Variants in DZANK1 observed in about 807,000 individuals in gnomAD.
The protein encoded by DZANK1 is double zinc ribbon and ankyrin repeat-containing protein 1.
Under a neutral mutation model 94.5 loss-of-function variants are expected in DZANK1, and 91 were observed. The observed-to-expected ratio is 0.96, with a 90% confidence interval of 0.81 to 1.15. The LOEUF (loss-of-function observed/expected upper bound fraction) is 1.15, where lower values mean the gene tolerates loss of function less well. DZANK1 is among the 50% of genes most tolerant of loss of function. The pLI is 0.00. For missense variants in DZANK1, 903 were observed against 916.4 expected, an observed-to-expected ratio of 0.99 and a Z score of 0.19; for synonymous variants, 312 against 325.3, an observed-to-expected ratio of 0.96 and a Z score of 0.44.
chr20:18,437,042 CAG>C (rs1409073049), intron 8 of DZANK1, among the ~76,000 whole-genome samples: 2 of 152,230 alleles, frequency 1.3e-5, no homozygotes, highest in East Asian at 3.9e-4. Context: ...GGAAGTTCTT[CAG>C]GCTGAAAGGA....
At chr20:18,393,063 C>A (rs1407695255) in intron 17 of DZANK1, among the ~76,000 whole-genome samples, 1 of 152,138 alleles carries the variant, frequency 6.6e-6, no homozygotes, top group Non-Finnish European at 1.5e-5. Context: ...ATAAGATTTG[C>A]CCAACAAAGG....
intron 13 of DZANK1, among the ~76,000 whole-genome samples, chr20:18,409,925 T>C (rs4813318): frequency 0.82 from 124,191 of 151,384 alleles, 51,528 homozygotes; most frequent in South Asian, 0.96. Flanking sequence ...AAAAATTATC[T>C]GGGAGGCTGA....
intron 20 of DZANK1, 23 bp downstream of exon 20, chr20:18,384,993 C>A: frequency 6.5e-7 from 1 of 1,548,188 alleles, no homozygotes; most frequent in South Asian, 1.2e-5. Flanking sequence ...TCAAAAGTAT[C>A]CATCAGAGGC....
intron 5 of DZANK1, among the ~76,000 whole-genome samples, chr20:18,453,107 A>G (rs572711178): frequency 6.6e-6 from 1 of 152,314 alleles, no homozygotes; most frequent in South Asian, 2.1e-4. Context: ...TTTCTTACTC[A>G]CTGAGAAACC....
At chr20:18,449,614 T>C (rs1280544711) in intron 6 of DZANK1, among the ~76,000 whole-genome samples, 2 of 151,132 alleles carry the variant, frequency 1.3e-5, no homozygotes, top group South Asian at 4.2e-4. Context: ...AAAAATTAGC[T>C]GGGTGTGGTG....
Position 18,394,760 on chromosome 20 carries a change from C to G in DZANK1, c.1612-410G>C, listed in dbSNP as rs753030370. ...AATTAGGGTGTCATGATGGGAAGGT[C>G]TCAGGCTGCCAAGTGTGAATCCTGG... On this transcript the variant is annotated intron_variant, in intron 15 of 20. Transcript: ENST00000262547. 6.5e-5 allele frequency: 30 copies of G among 459,246 alleles called. No homozygotes were observed. The Admixed American group carries it at 7.0e-4, about 11-fold the overall frequency. The allele number at this position is 459,246 out of a possible 1,614,324, so 28.4% of individuals were successfully genotyped here. A position where few individuals can be genotyped will look rare whatever the true frequency, so the allele number is the denominator to read the frequency against.
At chr20:18,396,647 C>A in intron 14 of DZANK1, 101 bp from the exon 15 acceptor site, 21 of 754,774 alleles carry the variant, frequency 2.8e-5, no homozygotes, top group South Asian at 8.6e-5. Flanking sequence ...CTAAATTTAA[C>A]CAAATATTTA....
At chr20:18,394,488 T>C in intron 15 of DZANK1, 138 bp from the exon 16 acceptor site, 1 of 856,662 alleles carries the variant, frequency 1.2e-6, no homozygotes, top group African/African-American at 1.7e-5. Context: ...GAGACCTGGA[T>C]GTCCTTCCTG....
At chr20:18,433,490 TG>T in intron 9 of DZANK1, 161 bp downstream of exon 9, 1 of 603,594 alleles carries the variant, frequency 1.7e-6, no homozygotes. Flanking sequence ...TGCAGTGAGC[TG>T]AGATTGCGCT....
At chr20:18,444,413 G>A (rs532050275) in intron 7 of DZANK1, among the ~76,000 whole-genome samples, 1 of 152,332 alleles carries the variant, frequency 6.6e-6, no homozygotes, top group East Asian at 1.9e-4. Flanking sequence ...GGGAGTCTCA[G>A]AAGGTCAAGG....
intron 15 of DZANK1, among the ~76,000 whole-genome samples, chr20:18,395,985 T>C (rs55671729): frequency 0.36 from 54,065 of 152,018 alleles, 10,684 homozygotes; most frequent in Middle Eastern, 0.46. Flanking sequence ...GGCTTCTCAA[T>C]TGATTGATTA....
At position 18,396,564 on chromosome 20, in the gene DZANK1, G is replaced by A; in HGVS notation, c.1537-18C>T. On this transcript the variant is annotated intron_variant, in intron 14 of 20. Coordinates refer to ENST00000262547, the Ensembl canonical transcript of DZANK1. ...GAGATAAGCTTTTAAAAGAGTTGTA[G>A]AGAGAATTCATAACTGTGGGTGTGG... The A allele has an allele frequency of 6.2e-7, 1 of 1,603,166 alleles. No homozygotes were observed. The highest frequency in any genetic ancestry group is 8.5e-7 in the Non-Finnish European group (1 of 1,171,674).
chr20:18,398,709 TAGAG>T (rs1206906643), intron 13 of DZANK1, 83 bp from the exon 14 acceptor site: 2 of 1,330,994 alleles, frequency 1.5e-6, no homozygotes, highest in African/African-American at 1.5e-5. Context: ...CATATGTTCT[TAGAG>T]AGGTTAATTT....
At chr20:18,391,488 C>T (rs966295951) in intron 17 of DZANK1, among the ~76,000 whole-genome samples, 20 of 152,310 alleles carry the variant, frequency 1.3e-4, no homozygotes, top group African/African-American at 4.6e-4. Context: ...CTGCCTCAGC[C>T]TCCCTAAGTG....
intron 3 of DZANK1, among the ~76,000 whole-genome samples, chr20:18,458,562 G>A (rs1475545754): frequency 6.6e-6 from 1 of 152,214 alleles, no homozygotes; most frequent in Admixed American, 6.5e-5. Flanking sequence ...AGATATAGAT[G>A]ATCTTTTAGA....
In DZANK1 at chr20:18,394,145, GCA is replaced by G. The variant is rs1336171918; in HGVS notation, c.1708+107_1708+108del. On this transcript the variant is annotated intron_variant, in intron 16 of 20. Coordinates refer to ENST00000262547, the Ensembl canonical transcript of DZANK1. ...GAAATAAAACGTCTGGAACATAACTGCAAGATCTGTGACCGGGCTGTCAAACT... is the reference window on the plus strand; with the variant it reads ...GAAATAAAACGTCTGGAACATAACTGAGATCTGTGACCGGGCTGTCAAACT... The G allele has an allele frequency of 5.3e-6, 5 of 940,670 alleles. No homozygotes were observed. The African/African-American group carries it at 6.6e-5, about 12-fold the overall frequency. The allele number at this position is 940,670 out of a possible 1,614,324, so 58.3% of individuals were successfully genotyped here.
At chr20:18,447,665 A>G (rs562456187) in intron 7 of DZANK1, among the ~76,000 whole-genome samples, 1 of 152,226 alleles carries the variant, frequency 6.6e-6, no homozygotes, top group South Asian at 2.1e-4. Flanking sequence ...GTTTGAAAGG[A>G]CACTTTACCA....
intron 7 of DZANK1, among the ~76,000 whole-genome samples, chr20:18,447,870 T>G (rs1452663981): frequency 6.6e-6 from 1 of 152,164 alleles, no homozygotes; most frequent in Non-Finnish European, 1.5e-5. Flanking sequence ...ACAATCACTT[T>G]GGAAAGCAGA....
chr20:18,415,542 A>C (rs2057451817), intron 10 of DZANK1, 93 bp from the exon 11 acceptor site: 1 of 1,269,948 alleles, frequency 7.9e-7, no homozygotes, highest in Non-Finnish European at 1.0e-6. Context: ...CCCAGACAAG[A>C]TGAGCCCCGG....
Sources: gnomAD v4.1 joint callset for allele counts (sites outside exome capture counted in the v4.1 genomes callset) on GRCh38, gnomAD v4.1.1 for gene constraint, MANE v1.5 for transcripts, NCBI Gene and HGNC (gene_info 2026-07-23, HGNC 2026-07-21) for gene names.